Variants in RBL2 observed in about 807,000 individuals in gnomAD.
The protein encoded by RBL2 is retinoblastoma-like protein 2.
RBL2 carries 56 observed loss-of-function variants against 126.0 expected under a neutral mutation model. That is an observed-to-expected ratio of 0.44 (90% CI 0.36 to 0.56). RBL2 has a LOEUF of 0.56. Among genes scored for constraint, RBL2 ranks in the 20% least tolerant of loss-of-function variants. The probability of loss-of-function intolerance (pLI) is 0.00; values close to 1 mark genes in which losing one functional copy is unlikely to be tolerated. For missense variants in RBL2, 1,229 were observed against 1,398.2 expected (o/e 0.88, Z 1.93); for synonymous variants, 454 against 478.5 (o/e 0.95, Z 0.67).
In RBL2 at chr16:53,469,966, A is replaced by G. The variant is rs201106225; in HGVS notation, c.2026A>G (p.Ser676Gly). Residue 676 changes from serine to glycine, a missense_variant, in exon 15 of 22, where the codon AGC becomes GGC. Physicochemically the swap from Ser to Gly is moderately conservative, Grantham distance 56. Transcript: ENST00000262133. ...CGATAGGTACAGCTCCCCACCAGCC[A>G]GCACTACCAGAAGGCGGCTATTTGT... ...LYDRYSSPPA[S>G]TTRRRLFVEN... 6.2e-7 allele frequency: 1 copy of G among 1,613,182 alleles called. No individual in the cohort carries two copies. Among genetic ancestry groups the G allele is most frequent in the Non-Finnish European group, 8.5e-7 (1 of 1,179,386 alleles).
In RBL2 at chr16:53,465,448, T is replaced by G; in HGVS notation, c.1709T>G (p.Val570Gly). 2.7e-6 allele frequency: 4 copies of G among 1,464,500 alleles called. No individual in the cohort carries two copies. Among genetic ancestry groups the G allele is most frequent in the Non-Finnish European group, 3.6e-6 (4 of 1,105,252 alleles). 90.7% of individuals were successfully genotyped at this position (1,464,500 alleles called of 1,614,324 possible). A position where few individuals can be genotyped will look rare whatever the true frequency, so the allele number is the denominator to read the frequency against. ...PLYHFYKVIEVFIRAEDGLCR... is the reference protein window; with the variant it reads ...PLYHFYKVIEGFIRAEDGLCR... ...CATTTTTTATTTCAGGTGATAGAAGTATTCATTAGAGCAGAAGATGGCCTT... is the reference window on the plus strand; with the variant it reads ...CATTTTTTATTTCAGGTGATAGAAGGATTCATTAGAGCAGAAGATGGCCTT... The change falls in exon 13 of 22, where the codon GTA becomes GGA. Residue 570 changes from valine to glycine, a missense_variant. Around this residue, in one of 2 missense-constraint regions of RBL2, gnomAD observed 1,070 missense variants for 1,274.3 expected, o/e 0.84. Coordinates refer to ENST00000262133, the MANE Select transcript of RBL2 (RefSeq NM_005611.4).
At chr16:53,455,633 G>C (rs982711424) in intron 8 of RBL2, among the ~76,000 whole-genome samples, 2 of 152,010 alleles carry the variant, frequency 1.3e-5, no homozygotes, top group Non-Finnish European at 2.9e-5. Context: ...AAATAGAGTA[G>C]TAATACAAAA....
At chr16:53,435,212 A>G (rs1375326443) in intron 1 of RBL2, among the ~76,000 whole-genome samples, 2 of 152,138 alleles carry the variant, frequency 1.3e-5, no homozygotes, top group East Asian at 3.9e-4. Flanking sequence ...CTGGGTCTCC[A>G]GGCGTCTCCG....
rs1283469203 is a variant in RBL2 at position 53,480,784 on chromosome 16, G to A, written c.3084+15G>A. On this transcript the variant is annotated intron_variant, in intron 20 of 21. Transcript: ENST00000262133. The stretch of plus-strand genomic sequence containing the variant: ...CACAGGCAAATGTAAGTATGACAGG[G>A]ATTATTTCATACTTTTTTCACTCAT... 6.3e-7 allele frequency: 1 copy of A among 1,597,290 alleles called. No homozygotes were observed.
intron 9 of RBL2, among the ~76,000 whole-genome samples, chr16:53,460,985 C>T (rs1025648946): frequency 1.3e-5 from 2 of 152,082 alleles, no homozygotes; most frequent in African/African-American, 2.4e-5. Context: ...ATGTAGAATG[C>T]CAGGAACAGT....
intron 20 of RBL2, chr16:53,481,014 C>T (rs1461485360): frequency 2.9e-6 from 1 of 343,642 alleles, no homozygotes; most frequent in African/African-American, 2.1e-5. Flanking sequence ...CAAAAATGAG[C>T]TGGGCGTGGT....
chr16:53,435,464 A>C (rs528227448), intron 1 of RBL2: 11 of 530,500 alleles, frequency 2.1e-5, no homozygotes, highest in Non-Finnish European at 2.7e-5. Context: ...GGCATTGCAC[A>C]GGACTCCTGT....
chr16:53,442,186 C>T (rs2153138362), intron 2 of RBL2, among the ~76,000 whole-genome samples: 1 of 152,142 alleles, frequency 6.6e-6, no homozygotes, highest in South Asian at 2.1e-4. Context: ...GTGGCTCACA[C>T]CTGTAATCAC....
chr16:53,436,451 G>T (rs2057959427), intron 1 of RBL2, among the ~76,000 whole-genome samples: 1 of 152,144 alleles, frequency 6.6e-6, no homozygotes, highest in Admixed American at 6.5e-5. Flanking sequence ...TTCAGTAAAT[G>T]ATTTACTCAG....
At chr16:53,467,214 GA>G (rs781395477) in intron 14 of RBL2, 45 bp downstream of exon 14, 4 of 1,479,142 alleles carry the variant, frequency 2.7e-6, no homozygotes, top group Middle Eastern at 1.7e-4. Flanking sequence ...TTACTATCTG[GA>G]AATTTAAATT....
chr16:53,442,605 T>C, intron 2 of RBL2, 53 bp from the exon 3 acceptor site: 1 of 1,322,894 alleles, frequency 7.6e-7, no homozygotes, highest in South Asian at 1.3e-5. Flanking sequence ...CTTACTTTTG[T>C]ATACTTTAGC....
chr16:53,439,858 A>G (rs2057996696), intron 2 of RBL2, among the ~76,000 whole-genome samples: 1 of 150,066 alleles, frequency 6.7e-6, no homozygotes. Context: ...CTGCAGGCCT[A>G]GCTACTTGGG....
chr16:53,469,776 G>A, intron 14 of RBL2, 140 bp from the exon 15 acceptor site: 2 of 1,040,242 alleles, frequency 1.9e-6, no homozygotes, highest in South Asian at 3.7e-5. Flanking sequence ...GGTAAGATAT[G>A]ACTTCTGTAA....
At chr16:53,452,464 G>A (rs1217596162) in intron 5 of RBL2, among the ~76,000 whole-genome samples, 1 of 152,120 alleles carries the variant, frequency 6.6e-6, no homozygotes, top group Non-Finnish European at 1.5e-5. Flanking sequence ...GTGATTCTCA[G>A]TTTTGAGGTA....
chr16:53,459,221 A>G (rs1043807642), intron 8 of RBL2, among the ~76,000 whole-genome samples: 1 of 152,196 alleles, frequency 6.6e-6, no homozygotes, highest in Non-Finnish European at 1.5e-5. Flanking sequence ...CTAAAATACA[A>G]ATTATTCTTT....
In RBL2 at chr16:53,434,743, C is replaced by T; in HGVS notation, c.187C>T (p.Arg63Trp). 1 of 1,544,850 alleles carries T rather than the reference C, an allele frequency of 6.5e-7. No homozygotes were observed. The highest frequency in any genetic ancestry group is 8.7e-7 in the Non-Finnish European group (1 of 1,153,316). Residue 63 changes from arginine to tryptophan, a missense_variant, in exon 1 of 22, where the codon CGG (arginine) becomes TGG (tryptophan). Coordinates refer to ENST00000262133, the MANE Select transcript of RBL2 (RefSeq NM_005611.4). ...CSRLNMDEAA[R>W]AEAWDSYRSM... The stretch of plus-strand genomic sequence containing the variant: ...CCGCCTCAACATGGACGAGGCGGCG[C>T]GGGCCGAGGCCTGGGACAGCTACCG...
At chr16:53,454,890 C>T in intron 8 of RBL2, 48 bp downstream of exon 8, 1 of 1,442,308 alleles carries the variant, frequency 6.9e-7, no homozygotes, top group South Asian at 1.5e-5. Context: ...GCAGGTAAGC[C>T]AGGGGTTCTT....
chr16:53,467,067 C>T lies in RBL2; in HGVS notation c.1873C>T (p.Pro625Ser). ...RVPTCEEVMP[P>S]QNLERADEIC... ...AACCAATTCTTCATAGGTCATGCCA[C>T]CTCAGAACCTGGAAAGGGCAGATGA... The change falls in exon 14 of 22, where the codon CCT becomes TCT. Residue 625 changes from proline (P) to serine (S), a missense_variant. Pro to Ser is a moderately conservative substitution (Grantham distance 74). Transcript: ENST00000262133. The T allele has an allele frequency of 6.2e-7, 1 of 1,613,746 alleles. No individual in the cohort carries two copies. The highest frequency in any genetic ancestry group is 8.5e-7 in the Non-Finnish European group (1 of 1,179,776).
At chr16:53,479,739 T>G (rs1475688899) in intron 18 of RBL2, 147 bp from the exon 19 acceptor site, 1 of 587,504 alleles carries the variant, frequency 1.7e-6, no homozygotes, top group Non-Finnish European at 3.0e-6. Context: ...TCTGTTATAA[T>G]TTGAGTTATG....
Sources: allele counts gnomAD v4.1 joint callset (sites outside exome capture counted in the v4.1 genomes callset), GRCh38; gene constraint gnomAD v4.1.1; regional missense constraint gnomAD v4.1.1; transcripts MANE v1.5; gene names NCBI Gene and HGNC (gene_info 2026-07-23, HGNC 2026-07-21).